Variants in BIRC6 observed in about 807,000 individuals in gnomAD.
The protein encoded by BIRC6 is dual E2 ubiquitin-conjugating enzyme/E3 ubiquitin-protein ligase BIRC6.
Under a neutral mutation model 503.3 loss-of-function variants are expected in BIRC6, and 98 were observed. The observed-to-expected ratio is 0.19, with a 90% confidence interval of 0.17 to 0.23. The LOEUF is 0.23. BIRC6 is among the 10% of genes least tolerant of loss of function. The pLI is 1.00. For synonymous variants in BIRC6, 2,240 were observed against 2,078.7 expected (o/e 1.08, Z -2.11); for missense variants, 5,360 against 5,806.0 (o/e 0.92, Z 2.50).
At chr2:32,389,057 C>A in intron 4 of BIRC6, 114 bp downstream of exon 4, 2 of 735,992 alleles carry the variant, frequency 2.7e-6, no homozygotes, top group Admixed American at 4.1e-5. Flanking sequence ...CAATTTCTAG[C>A]CTAATTTTGA....
intron 55 of BIRC6, among the ~76,000 whole-genome samples, chr2:32,517,582 G>T (rs188330820): frequency 4.6e-5 from 7 of 152,142 alleles, no homozygotes; most frequent in African/African-American, 1.4e-4. Flanking sequence ...TATACATTTT[G>T]GGGGTGAGGT....
chr2:32,392,443 A>T (rs1040997372), intron 5 of BIRC6, among the ~76,000 whole-genome samples: 1 of 151,894 alleles, frequency 6.6e-6, no homozygotes, highest in Non-Finnish European at 1.5e-5. Context: ...TTTAGTAGAG[A>T]TGGGGTTTCA....
chr2:32,422,314 T>G (rs2043032282), intron 10 of BIRC6, among the ~76,000 whole-genome samples: 1 of 152,244 alleles, frequency 6.6e-6, no homozygotes. Context: ...TCTGCCATTT[T>G]GAGTTTTTAA....
rs149396693 is a variant in BIRC6, at chr2:32,483,617, C to T, written c.7696+1035C>T. Among the ~76,000 whole-genome samples the T allele has an allele frequency of 1.6e-3, 243 of 152,292 alleles. 1 individual carries two copies. Among genetic ancestry groups the T allele is most frequent in the African/African-American group, 5.3e-3 (220 of 41,558 alleles). ...GGGAAAATAATGCATTGCATTTAAT[C>T]GTCACGTCTCTTTAGTCTCATTCAG... On this transcript the variant is annotated intron_variant, in intron 39 of 73. Coordinates refer to ENST00000421745, the MANE Select transcript of BIRC6 (RefSeq NM_016252.4).
chr2:32,543,380 A>C lies in BIRC6; in HGVS notation c.12431A>C (p.Lys4144Thr). The C allele has an allele frequency of 2.5e-6, 4 of 1,614,044 alleles. No individual in the cohort carries two copies. Among genetic ancestry groups the C allele is most frequent in the South Asian group, 2.2e-5 (2 of 91,080 alleles). Residue 4144 changes from lysine (K) to threonine (T), a missense_variant, in exon 62 of 74, where the codon AAG becomes ACG. Transcript: ENST00000421745. The part of the protein sequence containing the change: ...ETVAAEPPPI[K>T]SAVQTMSPIP... The stretch of plus-strand genomic sequence containing the variant: ...GTTGCGGCTGAACCTCCACCTATCA[A>C]GTCAGCAGTACAGACCATGTCTCCC...
intron 9 of BIRC6, among the ~76,000 whole-genome samples, chr2:32,413,728 C>G (rs2042138794): frequency 6.6e-6 from 1 of 151,674 alleles, no homozygotes; most frequent in Admixed American, 6.6e-5. Flanking sequence ...AAAAAACAGC[C>G]TGGTATTTAT....
intron 1 of BIRC6, among the ~76,000 whole-genome samples, chr2:32,370,899 A>G (rs949716480): frequency 1.3e-5 from 2 of 152,154 alleles, no homozygotes; most frequent in Non-Finnish European, 2.9e-5. Flanking sequence ...TCAGTTTGAA[A>G]AGATAATGTA....
chr2:32,426,565 T>C (rs2043520192), intron 10 of BIRC6, among the ~76,000 whole-genome samples: 1 of 152,220 alleles, frequency 6.6e-6, no homozygotes. Context: ...GATCACACCA[T>C]TGTACTCCAG....
At chr2:32,540,020 A>T (rs962334691) in intron 61 of BIRC6, among the ~76,000 whole-genome samples, 1 of 152,112 alleles carries the variant, frequency 6.6e-6, no homozygotes, top group Non-Finnish European at 1.5e-5. Flanking sequence ...CTTTATGCCA[A>T]CATATTTGAT....
intron 1 of BIRC6, among the ~76,000 whole-genome samples, chr2:32,375,949 G>A (rs1225994097): frequency 6.6e-6 from 1 of 151,990 alleles, no homozygotes; most frequent in East Asian, 1.9e-4. Flanking sequence ...TCTTTGGGAG[G>A]CCCAGGCGGG....
intron 1 of BIRC6, among the ~76,000 whole-genome samples, chr2:32,365,566 G>T (rs977849771): frequency 5.9e-5 from 9 of 152,048 alleles, no homozygotes; most frequent in African/African-American, 2.2e-4. Context: ...TGATCCACTC[G>T]CCTCGGCCTC....
At chr2:32,395,337 T>A (rs1455082622) in intron 5 of BIRC6, among the ~76,000 whole-genome samples, 174 bp from the exon 6 acceptor site, 2 of 152,220 alleles carry the variant, frequency 1.3e-5, no homozygotes, top group Non-Finnish European at 2.9e-5. Context: ...ATGCAGGCAA[T>A]TAATAAATAT....
chr2:32,530,335 C>G (rs990946097), intron 60 of BIRC6, among the ~76,000 whole-genome samples: 1 of 152,050 alleles, frequency 6.6e-6, no homozygotes. Flanking sequence ...CTCAGCCTCC[C>G]GAGAAGCTGG....
intron 22 of BIRC6, 128 bp from the exon 23 acceptor site, chr2:32,453,680 A>G: frequency 1.2e-6 from 1 of 857,562 alleles, no homozygotes; most frequent in South Asian, 1.9e-5. Flanking sequence ...CCATGATTCA[A>G]GCACTGTGTA....
chr2:32,416,303 T>C, intron 10 of BIRC6, 140 bp downstream of exon 10: 1 of 891,712 alleles, frequency 1.1e-6, no homozygotes. Flanking sequence ...TAAATCCTTC[T>C]TTTTAAACTG....
At chr2:32,408,326 T>A (rs1023308940) in intron 9 of BIRC6, among the ~76,000 whole-genome samples, 2 of 152,046 alleles carry the variant, frequency 1.3e-5, no homozygotes, top group African/African-American at 4.8e-5. Flanking sequence ...GCCAGGCTGG[T>A]CTCGAGCTGC....
At chr2:32,467,181 C>A (rs2048643675) in intron 26 of BIRC6, among the ~76,000 whole-genome samples, 1 of 151,346 alleles carries the variant, frequency 6.6e-6, no homozygotes, top group South Asian at 2.1e-4. Flanking sequence ...AGTGGCTATT[C>A]ACAGGTGCAG....
chr2:32,439,509 T>C lies in BIRC6; in HGVS notation c.3633T>C (p.Gly1211=). The C allele has an allele frequency of 6.2e-7, 1 of 1,612,758 alleles. No homozygotes were observed. Among genetic ancestry groups the C allele is most frequent in the Non-Finnish European group, 8.5e-7 (1 of 1,179,188 alleles). The part of the protein sequence containing the change: ...LTLTSPKLVK[G]MAGGKYRSFL... ...CCCCATTCTACTCCACTTCTCTAGG[T>C]ATGGCAGGAGGAAAATATCGTTCGT... The change falls in exon 16 of 74, where the codon GGT becomes GGC. Residue 1211 remains glycine (G), a splice_region_variant and synonymous_variant. Transcript: ENST00000421745.
chr2:32,495,283 G>A lies in BIRC6; in HGVS notation c.8468+1616G>A, dbSNP rs138989945. ...GATATTTTGAGGTTTATACGCCACA[G>A]AAACTGTTTAGGAATTTTCTCCACC... is the stretch of plus-strand genomic sequence containing the variant. On this transcript the variant is annotated intron_variant, in intron 45 of 73. Coordinates refer to ENST00000421745, the MANE Select transcript of BIRC6 (RefSeq NM_016252.4). Among the ~76,000 whole-genome samples the A allele has an allele frequency of 7.5e-3, 1,141 of 152,278 alleles. 7 individuals are homozygous for A. The highest frequency in any genetic ancestry group is 0.014 in the Middle Eastern group (4 of 294).
Sources: gnomAD v4.1 joint callset for allele counts (sites outside exome capture counted in the v4.1 genomes callset) on GRCh38, gnomAD v4.1.1 for gene constraint, MANE v1.5 for transcripts, NCBI Gene and HGNC (gene_info 2026-07-23, HGNC 2026-07-21) for gene names.